Variants in ALG9 observed in about 807,000 individuals in gnomAD.
The protein encoded by ALG9 is alpha-1,2-mannosyltransferase ALG9.
Under a neutral mutation model 81.8 loss-of-function variants are expected in ALG9, and 55 were observed. That is an observed-to-expected ratio of 0.67 (90% CI 0.54 to 0.84). The LOEUF (loss-of-function observed/expected upper bound fraction) is 0.84, where lower values mean the gene tolerates loss of function less well. Among genes scored for constraint, ALG9 ranks in the 40% least tolerant of loss-of-function variants. The pLI is 0.00. For synonymous variants in ALG9, 278 were observed against 274.3 expected (o/e 1.01, Z -0.13); for missense variants, 629 against 745.0 (o/e 0.84, Z 1.81).
At chr11:111,840,848 A>G (rs1259791605) in intron 9 of ALG9, 39 bp from the exon 10 acceptor site, 2 of 1,609,896 alleles carry the variant, frequency 1.2e-6, no homozygotes, top group African/African-American at 2.7e-5. Context: ...TCATTATATT[A>G]GAACAAAACA....
At chr11:111,821,427 C>G (rs1450714672) in intron 13 of ALG9, among the ~76,000 whole-genome samples, 1 of 152,188 alleles carries the variant, frequency 6.6e-6, no homozygotes, top group Non-Finnish European at 1.5e-5. Context: ...TTTCTCATGT[C>G]TCTCTACCAT....
At chr11:111,864,799 T>C (rs1961724286) in intron 4 of ALG9, among the ~76,000 whole-genome samples, 1 of 151,936 alleles carries the variant, frequency 6.6e-6, no homozygotes, top group African/African-American at 2.4e-5. Flanking sequence ...TTTTTTGAGA[T>C]GGAGTTTTGC....
chr11:111,835,755 T>G (rs1555116871), intron 13 of ALG9, among the ~76,000 whole-genome samples: 1 of 152,104 alleles, frequency 6.6e-6, no homozygotes. Flanking sequence ...CTAAAAAATA[T>G]CCGGTTTTTT....
At chr11:111,840,905 C>T (rs1956115410) in intron 9 of ALG9, 96 bp from the exon 10 acceptor site, 1 of 1,386,098 alleles carries the variant, frequency 7.2e-7, no homozygotes, top group Non-Finnish European at 1.0e-6. Flanking sequence ...TAGGAGTATG[C>T]CCTAGGACAC....
intron 13 of ALG9, among the ~76,000 whole-genome samples, chr11:111,818,064 C>A (rs1951787544): frequency 6.6e-6 from 1 of 152,182 alleles, no homozygotes; most frequent in Non-Finnish European, 1.5e-5. Context: ...CAGGCGTGAG[C>A]CACCACACCT....
At position 111,870,320 on chromosome 11, in the gene ALG9, G is replaced by A. The variant is rs1354812960; in HGVS notation, c.182C>T (p.Ala61Val). The stretch of plus-strand genomic sequence containing the variant: ...CCTTGCTGAAAGCAGACACTTGAAA[G>A]CAGTAGATCCTTCAGGTGCCCAGAC... ...GQVWAPEGST[A>V]FKCLLSARLC... Residue 61 changes from alanine (A) to valine (V), a missense_variant, in exon 2 of 15, where the codon GCT becomes GTT. Physicochemically the swap from Ala to Val is moderately conservative, Grantham distance 64. This residue lies in a region of ALG9 where 344 missense variants were observed against 390.5 expected (regional missense o/e 0.88). Transcript: ENST00000616540. 6.3e-7 allele frequency: 1 copy of A among 1,590,656 alleles called. No individual in the cohort carries two copies. Among genetic ancestry groups the A allele is most frequent in the Non-Finnish European group, 8.5e-7 (1 of 1,169,954 alleles).
At chr11:111,830,619 T>C (rs1592134390) in intron 13 of ALG9, among the ~76,000 whole-genome samples, 1 of 152,180 alleles carries the variant, frequency 6.6e-6, no homozygotes, top group Non-Finnish European at 1.5e-5. Context: ...ATTACAGCAA[T>C]TTGAATCTGC....
chr11:111,840,579 T>C lies in ALG9; in HGVS notation c.1173+76A>G. 1.9e-6 allele frequency: 3 copies of C among 1,551,630 alleles called. No individual in the cohort carries two copies. In the Admixed American group the frequency reaches 5.0e-5, roughly 26 times the overall value. On this transcript the variant is annotated intron_variant, in intron 10 of 14. Coordinates refer to ENST00000616540, the MANE Select transcript of ALG9 (RefSeq NM_024740.2). ...TATCTTAGGTGGAAGCATTCTGTAATTTGCACTTAAGTTTGTGAGCAATTA... is the reference window on the plus strand; with the variant it reads ...TATCTTAGGTGGAAGCATTCTGTAACTTGCACTTAAGTTTGTGAGCAATTA...
At chr11:111,826,066 C>CAATAATAATAATAATAATAATAATAAT (rs4026118) in intron 13 of ALG9, among the ~76,000 whole-genome samples, 35 of 132,676 alleles carry the variant, frequency 2.6e-4, no homozygotes, top group African/African-American at 9.5e-4. Context: ...AACTCCGTCT[C>CAATAATAATAATAATAATAATAATAAT]AATAATAATA....
intron 3 of ALG9, among the ~76,000 whole-genome samples, 156 bp downstream of exon 3, chr11:111,868,446 T>G (rs1174910651): frequency 6.6e-6 from 1 of 152,236 alleles, no homozygotes; most frequent in African/African-American, 2.4e-5. Context: ...TAAAAGTTGT[T>G]TCATTAATGC....
At chr11:111,821,180 C>T (rs1952300302) in intron 13 of ALG9, among the ~76,000 whole-genome samples, 1 of 151,914 alleles carries the variant, frequency 6.6e-6, no homozygotes, top group African/African-American at 2.4e-5. Context: ...GTATTTTTTT[C>T]CTATAAGGTC....
At chr11:111,871,079 C>G (rs1232105072) in intron 1 of ALG9, 3 of 1,194,482 alleles carry the variant, frequency 2.5e-6, no homozygotes, top group African/African-American at 3.2e-5. Context: ...ACATCTCCCA[C>G]AGAGGCTGTG....
intron 6 of ALG9, among the ~76,000 whole-genome samples, chr11:111,857,208 C>T (rs1039550900): frequency 6.6e-5 from 10 of 152,154 alleles, no homozygotes; most frequent in East Asian, 3.9e-4. Context: ...AGGGTGGTGC[C>T]GCGTGGAGAA....
At chr11:111,824,774 A>C (rs1555106845) in intron 13 of ALG9, among the ~76,000 whole-genome samples, 2 of 152,226 alleles carry the variant, frequency 1.3e-5, no homozygotes, top group Non-Finnish European at 2.9e-5. Flanking sequence ...ATTCAGAAGA[A>C]TATAAATTCA....
chr11:111,831,897 G>C (rs189575664), intron 13 of ALG9, among the ~76,000 whole-genome samples: 4 of 152,288 alleles, frequency 2.6e-5, no homozygotes, highest in African/African-American at 9.6e-5. Context: ...GGATATATTA[G>C]GGAACACTTT....
At chr11:111,844,568 C>G (rs1555127086) in intron 9 of ALG9, 33 bp downstream of exon 9, 1 of 1,613,328 alleles carries the variant, frequency 6.2e-7, no homozygotes, top group African/African-American at 1.3e-5. Context: ...GCTCTTTCCT[C>G]CCAAAACACC....
At chr11:111,788,969 C>G (rs956945898) in intron 14 of ALG9, among the ~76,000 whole-genome samples, 1 of 151,826 alleles carries the variant, frequency 6.6e-6, no homozygotes, top group South Asian at 2.1e-4. Context: ...TTAGTATAAC[C>G]TCAGGGTCCA....
intron 4 of ALG9, chr11:111,864,373 G>T (rs1295125478): frequency 2.6e-6 from 2 of 766,056 alleles, no homozygotes; most frequent in African/African-American, 3.4e-5. Flanking sequence ...AATTCTGTCT[G>T]CAGAATGTTC....
downstream of ALG9, among the ~76,000 whole-genome samples, chr11:111,780,107 G>A (rs781956910): frequency 3.5e-4 from 54 of 152,280 alleles, no homozygotes; most frequent in African/African-American, 1.2e-3. Flanking sequence ...AGCAGGACAT[G>A]TAGCTGGTAG....
Sources: gnomAD v4.1 joint callset for allele counts (sites outside exome capture counted in the v4.1 genomes callset) on GRCh38, gnomAD v4.1.1 for gene constraint, gnomAD v4.1.1 regional missense constraint, MANE v1.5 for transcripts, NCBI Gene and HGNC (gene_info 2026-07-23, HGNC 2026-07-21) for gene names.